Variants in MALRD1 observed in about 807,000 individuals in gnomAD.
The protein encoded by MALRD1 is MAM and LDL receptor class A domain containing 1.
Under a neutral mutation model 242.1 loss-of-function variants are expected in MALRD1, and 247 were observed. The observed-to-expected ratio is 1.02, with a 90% CI of 0.92 to 1.13. The LOEUF is 1.13. Among genes scored for constraint, MALRD1 ranks in the 50% most tolerant of loss-of-function variants. MALRD1 has a pLI of 0.00. For synonymous variants in MALRD1, 995 were observed against 866.6 expected (o/e 1.15, Z -2.60); for missense variants, 2,989 against 2,533.1 (o/e 1.18, Z -3.86).
chr10:19,359,583 G>T (rs886870450), intron 26 of MALRD1, among the ~76,000 whole-genome samples: 3 of 151,978 alleles, frequency 2.0e-5, no homozygotes, highest in Non-Finnish European at 4.4e-5. Flanking sequence ...TGTCTTTCCT[G>T]TGTAGTCATG....
At chr10:19,638,206 A>C (rs2131670931) in intron 36 of MALRD1, among the ~76,000 whole-genome samples, 1 of 151,728 alleles carries the variant, frequency 6.6e-6, no homozygotes. Context: ...TAAGGTAAGT[A>C]TCTAAGCAAA....
intron 21 of MALRD1, among the ~76,000 whole-genome samples, chr10:19,292,547 A>G (rs959539655): frequency 3.6e-4 from 55 of 152,100 alleles, no homozygotes; most frequent in Admixed American, 3.5e-3. Flanking sequence ...CTGCTTTCCT[A>G]TCTGTATTAT....
chr10:19,719,714 A>G (rs1834651651), intron 38 of MALRD1, among the ~76,000 whole-genome samples: 1 of 152,082 alleles, frequency 6.6e-6, no homozygotes, highest in Non-Finnish European at 1.5e-5. Context: ...TCACCCAAAC[A>G]TTTGGTTCAG....
intron 28 of MALRD1, among the ~76,000 whole-genome samples, chr10:19,400,458 G>A (rs1846785823): frequency 1.3e-5 from 2 of 152,104 alleles, no homozygotes; most frequent in Non-Finnish European, 2.9e-5. Flanking sequence ...CGACAAGGGA[G>A]GCTTCATGAC....
At chr10:19,549,476 T>C (rs1412596883) in intron 32 of MALRD1, among the ~76,000 whole-genome samples, 1 of 152,136 alleles carries the variant, frequency 6.6e-6, no homozygotes, top group Non-Finnish European at 1.5e-5. Context: ...CCCTAATCAG[T>C]GAGCAGCCCA....
chr10:19,423,501 G>C (rs1833790578), intron 28 of MALRD1, among the ~76,000 whole-genome samples: 1 of 151,924 alleles, frequency 6.6e-6, no homozygotes, highest in African/African-American at 2.4e-5. Context: ...CTAAGTGAAT[G>C]GTGATGGCAA....
At chr10:19,658,212 A>G (rs1173235370) in intron 36 of MALRD1, among the ~76,000 whole-genome samples, 4 of 152,012 alleles carry the variant, frequency 2.6e-5, no homozygotes, top group African/African-American at 4.8e-5. Context: ...AACATTAAGA[A>G]TCTCCATTAT....
At chr10:19,507,177 TC>T (rs1395848607) in intron 31 of MALRD1, among the ~76,000 whole-genome samples, 1 of 151,978 alleles carries the variant, frequency 6.6e-6, no homozygotes, top group Non-Finnish European at 1.5e-5. Flanking sequence ...TCCGCCATGA[TC>T]CAGTCACCTC....
At chr10:19,348,586 A>G (rs1049244297) in intron 25 of MALRD1, among the ~76,000 whole-genome samples, 1 of 152,188 alleles carries the variant, frequency 6.6e-6, no homozygotes, top group Non-Finnish European at 1.5e-5. Flanking sequence ...AAAAATCATG[A>G]AAACATCTAT....
chr10:19,099,776 T>A (rs1330902073), intron 4 of MALRD1, among the ~76,000 whole-genome samples: 1 of 140,724 alleles, frequency 7.1e-6, no homozygotes, highest in African/African-American at 2.7e-5. Context: ...TTTTTTAATT[T>A]TTTTTGCCAG....
chr10:19,243,728 A>G (rs1022487511), intron 18 of MALRD1, among the ~76,000 whole-genome samples: 1 of 152,160 alleles, frequency 6.6e-6, no homozygotes, highest in African/African-American at 2.4e-5. Context: ...TAAAGTTATG[A>G]TGGGAAAAGT....
At chr10:19,368,078 T>A (rs1200087805) in intron 26 of MALRD1, among the ~76,000 whole-genome samples, 3 of 152,092 alleles carry the variant, frequency 2.0e-5, no homozygotes, top group Non-Finnish European at 4.4e-5. Context: ...CGGTTGATTG[T>A]TTTCTTTGCT....
intron 17 of MALRD1, among the ~76,000 whole-genome samples, chr10:19,208,484 A>G (rs1359003199): frequency 6.6e-6 from 1 of 152,186 alleles, no homozygotes; most frequent in East Asian, 1.9e-4. Context: ...AAGAATCTGG[A>G]TTCGAGAAGG....
At position 19,075,924 on chromosome 10, in the gene MALRD1, G is replaced by T. The variant is rs941485748; in HGVS notation, c.340+9065G>T. ...TATATTTTCTTGATTGTCTATTCTT[G>T]CTAATAACGAACATTTGCAGTGAGT... is the stretch of plus-strand genomic sequence containing the variant. On this transcript the variant is annotated intron_variant, in intron 2 of 39. Coordinates refer to ENST00000454679, the MANE Select transcript of MALRD1 (RefSeq NM_001142308.3). 7.9e-5 allele frequency among the ~76,000 whole-genome samples: 12 copies of T among 152,074 alleles called. No homozygotes were observed. The East Asian group carries it at 2.1e-3, about 27-fold the overall frequency.
intron 38 of MALRD1, among the ~76,000 whole-genome samples, chr10:19,700,462 A>G (rs998284555): frequency 3.9e-5 from 6 of 152,172 alleles, no homozygotes; most frequent in African/African-American, 1.2e-4. Context: ...TTTGCCCAAG[A>G]TAGACGAACT....
At chr10:19,614,020 T>A (rs1313122472) in intron 35 of MALRD1, among the ~76,000 whole-genome samples, 1 of 152,076 alleles carries the variant, frequency 6.6e-6, no homozygotes, top group East Asian at 1.9e-4. Context: ...TTCTGCATTT[T>A]AATGCCACAC....
chr10:19,558,786 G>C (rs1272650033), intron 32 of MALRD1, among the ~76,000 whole-genome samples: 2 of 152,138 alleles, frequency 1.3e-5, no homozygotes, highest in African/African-American at 4.8e-5. Flanking sequence ...AGATATAGGT[G>C]TAGTCAGATT....
intron 31 of MALRD1, among the ~76,000 whole-genome samples, chr10:19,511,757 C>T (rs1833411370): frequency 6.6e-6 from 1 of 152,122 alleles, no homozygotes; most frequent in African/African-American, 2.4e-5. Flanking sequence ...ACATAGTCAA[C>T]ATTCAGTTAG....
chr10:19,546,743 C>T (rs1835224050), intron 32 of MALRD1, among the ~76,000 whole-genome samples: 1 of 152,136 alleles, frequency 6.6e-6, no homozygotes, highest in South Asian at 2.1e-4. Flanking sequence ...GATTTAAAAC[C>T]TCCAAAAAGT....
Sources: allele counts gnomAD v4.1 joint callset (sites outside exome capture counted in the v4.1 genomes callset), GRCh38; gene constraint gnomAD v4.1.1; transcripts MANE v1.5; gene names NCBI Gene and HGNC (gene_info 2026-07-23, HGNC 2026-07-21).